GFOD1: variants seen among roughly 807,000 people sequenced by gnomAD.
GFOD1 encodes glucose-fructose oxidoreductase domain-containing protein 1.
Under a neutral mutation model 25.4 loss-of-function variants are expected in GFOD1, and 9 were observed. That is an observed-to-expected ratio of 0.35 (90% CI 0.21 to 0.62). The LOEUF (loss-of-function observed/expected upper bound fraction) is 0.62, where lower values mean the gene tolerates loss of function less well. Ranked by LOEUF, GFOD1 falls within the 20% of genes least tolerant of loss-of-function variation. The pLI is 0.72. For missense variants in GFOD1, 403 were observed against 556.9 expected (o/e 0.72, Z 2.78); for synonymous variants, 253 against 245.6 (o/e 1.03, Z -0.28).
rs1784914733 is a variant in GFOD1, at chr6:13,359,439, A to C, written c.*5304T>G. ...TAGGCGGTGTCAAGGCTAGATTTGT[A>C]TTAATATCTAGGAGTGGGGTGGGGA... On this transcript the variant is annotated 3_prime_UTR_variant, in exon 2 of 2. Transcript: ENST00000379287. 1 of 152,188 alleles carries C rather than the reference A, an allele frequency of 6.6e-6. No individual in the cohort carries two copies. Among genetic ancestry groups the C allele is most frequent in the Non-Finnish European group, 1.5e-5 (1 of 68,046 alleles). The allele number at this position is 152,188 out of a possible 1,614,324, so 9.4% of individuals were successfully genotyped here.
At chr6:13,467,678 C>T (rs1471933186) in intron 1 of GFOD1, among the ~76,000 whole-genome samples, 1 of 152,202 alleles carries the variant, frequency 6.6e-6, no homozygotes, top group Non-Finnish European at 1.5e-5. Context: ...ACTTCCCACC[C>T]TGGGGCAAAT....
intron 1 of GFOD1, among the ~76,000 whole-genome samples, chr6:13,476,659 A>G (rs1215266915): frequency 6.6e-6 from 1 of 152,362 alleles, no homozygotes; most frequent in African/African-American, 2.4e-5. Flanking sequence ...GAGCTTTACA[A>G]TTGTGGAGTA....
intron 1 of GFOD1, among the ~76,000 whole-genome samples, chr6:13,432,587 C>T (rs1020873805): frequency 6.6e-6 from 1 of 152,084 alleles, no homozygotes; most frequent in Non-Finnish European, 1.5e-5. Flanking sequence ...TCCACGTCAG[C>T]CAAAGGTGAC....
chr6:13,367,399 A>C (rs988931313), intron 1 of GFOD1, among the ~76,000 whole-genome samples: 4 of 152,162 alleles, frequency 2.6e-5, no homozygotes, highest in Non-Finnish European at 5.9e-5. Context: ...TGTTCGTTTA[A>C]CGTTTTTCTT....
intron 1 of GFOD1, among the ~76,000 whole-genome samples, chr6:13,394,974 G>T (rs1485391022): frequency 6.6e-6 from 1 of 151,926 alleles, no homozygotes; most frequent in Non-Finnish European, 1.5e-5. Context: ...GTAGAGATAG[G>T]GTCTCACTGT....
At chr6:13,465,842 C>T (rs1162936658) in intron 1 of GFOD1, among the ~76,000 whole-genome samples, 1 of 152,174 alleles carries the variant, frequency 6.6e-6, no homozygotes, top group Admixed American at 6.5e-5. Flanking sequence ...GAAAAAGATC[C>T]ATGTGCACTA....
chr6:13,413,203 G>C (rs1212746328), intron 1 of GFOD1, among the ~76,000 whole-genome samples: 1 of 152,142 alleles, frequency 6.6e-6, no homozygotes, highest in Non-Finnish European at 1.5e-5. Context: ...TGCCCACAGG[G>C]CCTTGACCCT....
intron 1 of GFOD1, among the ~76,000 whole-genome samples, chr6:13,457,063 C>T (rs1402532984): frequency 1.3e-5 from 2 of 152,168 alleles, no homozygotes; most frequent in Non-Finnish European, 2.9e-5. Flanking sequence ...AGCAAATGGG[C>T]AATGCTGCCC....
In GFOD1 at chr6:13,364,901, C is replaced by T. The variant is rs1785009545; in HGVS notation, c.1015G>A (p.Asp339Asn). ...RPLTMAATFDDCLYALCVVDT... is the reference protein window; with the variant it reads ...RPLTMAATFDNCLYALCVVDT... ...ACCACGCACAAGGCATACAGGCAGT[C>T]GTCGAAGGTGGCGGCCATGGTGAGG... The change falls in exon 2 of 2, where the codon GAC (aspartate) becomes AAC (asparagine). Residue 339 changes from aspartate (D) to asparagine (N), a missense_variant. By Grantham distance (23) the Asp-to-Asn change is conservative. Transcript: ENST00000379287. The surrounding 1 kb of genome is among the most constrained non-coding windows in gnomAD (Gnocchi z 4.1). 1 of 1,613,608 alleles carries T rather than the reference C, an allele frequency of 6.2e-7. No individual in the cohort carries two copies.
At chr6:13,367,069 CAT>C (rs1189666584) in intron 1 of GFOD1, among the ~76,000 whole-genome samples, 6 of 151,366 alleles carry the variant, frequency 4.0e-5, no homozygotes, top group Admixed American at 2.7e-4. Flanking sequence ...TTACAGTTAT[CAT>C]ATATATAAAA....
rs1348945955 is a variant in GFOD1 at position 13,430,994 on chromosome 6, A to T, written c.253+55644T>A. On this transcript the variant is annotated intron_variant, in intron 1 of 1. Transcript: ENST00000379287. The surrounding 1 kb of genome is among the most constrained non-coding windows in gnomAD (Gnocchi z 4.1). ...GCCATATTTATACATCGGGAAACCG[A>T]GGCATAAAGAAAGCAGTGAAGGCAT... is the stretch of plus-strand genomic sequence containing the variant. Among the ~76,000 whole-genome samples the T allele has an allele frequency of 6.6e-5, 10 of 152,274 alleles. No homozygotes were observed.
chr6:13,426,045 C>T (rs1786346340), intron 1 of GFOD1, among the ~76,000 whole-genome samples: 1 of 152,272 alleles, frequency 6.6e-6, no homozygotes, highest in African/African-American at 2.4e-5. Flanking sequence ...AGGCTCACGC[C>T]AGGCAGTGCC....
At chr6:13,431,681 G>A (rs1161624546) in intron 1 of GFOD1, among the ~76,000 whole-genome samples, 1 of 152,172 alleles carries the variant, frequency 6.6e-6, no homozygotes, top group South Asian at 2.1e-4. Flanking sequence ...TAAGAATGAA[G>A]CTTTTCATCT....
chr6:13,409,153 G>GAGAGAGA (rs368758101), intron 1 of GFOD1, among the ~76,000 whole-genome samples: 8 of 44,444 alleles, frequency 1.8e-4, no homozygotes, highest in Non-Finnish European at 3.6e-4. Flanking sequence ...AAGAAAGAGA[G>GAGAGAGA]GAAAGAAAGA....
chr6:13,454,645 G>A (rs1294777898), intron 1 of GFOD1, among the ~76,000 whole-genome samples: 2 of 152,112 alleles, frequency 1.3e-5, no homozygotes, highest in South Asian at 2.1e-4. Flanking sequence ...CACCACTCCC[G>A]TCCAGGAGCA....
At chr6:13,463,892 T>A (rs1421585859) in intron 1 of GFOD1, among the ~76,000 whole-genome samples, 1 of 152,184 alleles carries the variant, frequency 6.6e-6, no homozygotes, top group Non-Finnish European at 1.5e-5. Flanking sequence ...AGTGAAATCA[T>A]GGGTCTTTTC....
intron 1 of GFOD1, among the ~76,000 whole-genome samples, chr6:13,386,180 G>T (rs1426584198): frequency 1.5e-5 from 2 of 129,224 alleles, no homozygotes; most frequent in African/African-American, 5.2e-5. Context: ...TCCTGCCTCC[G>T]CTTCCCAAAT....
intron 1 of GFOD1, among the ~76,000 whole-genome samples, chr6:13,422,025 TCAACAGGCTTTCAGAAAAA>T (rs1221243129): frequency 2.6e-5 from 4 of 152,088 alleles, no homozygotes; most frequent in African/African-American, 9.7e-5. Flanking sequence ...AGAAAATAAA[TCAACAGGCTTTCAGAAAAA>T]CTAGGGGTTG....
At position 13,409,151 on chromosome 6, in the gene GFOD1, G is replaced by GAAAGAAAGAA. The variant is rs751020501; in HGVS notation, c.254-43490_254-43489insTTCTTTCTTT. ...AAAGAAAGAAAGAAAGAAAGAAAGA[G>GAAAGAAAGAA]AGGAAAGAAAGAAAGGAAAGAGAGA... On this transcript the variant is annotated intron_variant, in intron 1 of 1. Transcript: ENST00000379287. Among the ~76,000 whole-genome samples, 207 of 64,574 alleles carry GAAAGAAAGAA rather than the reference G, an allele frequency of 3.2e-3. 61 individuals carry two copies. Among genetic ancestry groups the GAAAGAAAGAA allele is most frequent in the South Asian group, 0.015 (27 of 1,822 alleles). The allele number at this position is 64,574 out of a possible 152,430, so 42.4% of individuals were successfully genotyped here.
Sources: gnomAD v4.1 joint callset for allele counts (sites outside exome capture counted in the v4.1 genomes callset) on GRCh38, gnomAD v4.1.1 for gene constraint, Gnocchi (gnomAD v3.1) non-coding constraint, MANE v1.5 for transcripts, NCBI Gene and HGNC (gene_info 2026-07-23, HGNC 2026-07-21) for gene names.